CTNNA3: variants seen among roughly 807,000 people sequenced by gnomAD.
CTNNA3 encodes catenin alpha-3.
A neutral mutation model predicts 95.7 loss-of-function variants in CTNNA3; 76 were observed. The observed-to-expected ratio is 0.79, with a 90% CI of 0.66 to 0.96. CTNNA3 has a LOEUF of 0.96. CTNNA3 is among the 40% of genes least tolerant of loss of function. The probability of loss-of-function intolerance (pLI) is 0.00; values close to 1 mark genes in which losing one functional copy is unlikely to be tolerated. For synonymous variants in CTNNA3, 431 were observed against 374.4 expected, an observed-to-expected ratio of 1.15 and a Z score of -1.74; for missense variants, 1,191 against 1,089.8, an observed-to-expected ratio of 1.09 and a Z score of -1.31.
chr10:66,412,512 G>A (rs888273980), intron 11 of CTNNA3, among the ~76,000 whole-genome samples: 1 of 147,856 alleles, frequency 6.8e-6, no homozygotes, highest in Admixed American at 6.8e-5. Flanking sequence ...CCAGGCTGGA[G>A]TGCAGTGGCA....
chr10:66,514,044 G>A (rs1256336515), intron 11 of CTNNA3, among the ~76,000 whole-genome samples: 1 of 152,172 alleles, frequency 6.6e-6, no homozygotes, highest in Non-Finnish European at 1.5e-5. Context: ...ACTTGTTAGT[G>A]CATTTTTGAT....
chr10:66,899,646 C>G (rs1284826202), intron 7 of CTNNA3, among the ~76,000 whole-genome samples: 3 of 152,136 alleles, frequency 2.0e-5, no homozygotes, highest in Non-Finnish European at 4.4e-5. Context: ...ACACTTCCCC[C>G]CAAATACTGT....
At chr10:66,218,162 C>T (rs985948701) in intron 13 of CTNNA3, among the ~76,000 whole-genome samples, 1 of 152,018 alleles carries the variant, frequency 6.6e-6, no homozygotes, top group Non-Finnish European at 1.5e-5. Context: ...GCAATGTGTC[C>T]GCATGCCTAA....
intron 15 of CTNNA3, among the ~76,000 whole-genome samples, chr10:66,050,865 T>C (rs1169945804): frequency 6.6e-6 from 1 of 152,122 alleles, no homozygotes; most frequent in East Asian, 1.9e-4. Context: ...TTACTTTTTT[T>C]TTTTAAGAGA....
intron 13 of CTNNA3, among the ~76,000 whole-genome samples, chr10:66,162,419 C>T (rs1204185568): frequency 1.3e-5 from 2 of 152,050 alleles, no homozygotes; most frequent in East Asian, 1.9e-4. Context: ...AGTTATTCTC[C>T]CCCTTTTCCT....
chr10:65,950,475 T>C (rs1257253861), intron 17 of CTNNA3, among the ~76,000 whole-genome samples: 1 of 152,200 alleles, frequency 6.6e-6, no homozygotes, highest in Non-Finnish European at 1.5e-5. Context: ...CATCAGGATG[T>C]CTGCATCCAG....
chr10:66,219,604 C>T (rs2088791158), intron 13 of CTNNA3, among the ~76,000 whole-genome samples: 1 of 146,534 alleles, frequency 6.8e-6, no homozygotes, highest in Admixed American at 6.9e-5. Flanking sequence ...GAGTCAGATC[C>T]CTAGTCCCAA....
At chr10:67,378,399 G>C (rs771831170) in intron 5 of CTNNA3, among the ~76,000 whole-genome samples, 18 of 152,062 alleles carry the variant, frequency 1.2e-4, no homozygotes, top group Non-Finnish European at 2.6e-4. Flanking sequence ...TCAAAACTAA[G>C]AAACGAATAT....
chr10:67,346,458 T>C (rs189820035), intron 5 of CTNNA3, among the ~76,000 whole-genome samples: 2 of 152,326 alleles, frequency 1.3e-5, no homozygotes, highest in Non-Finnish European at 2.9e-5. Flanking sequence ...CTGGGAATGT[T>C]TTTATTTCTC....
At chr10:66,840,322 C>CAT (rs1843006586) in intron 7 of CTNNA3, among the ~76,000 whole-genome samples, 1 of 89,470 alleles carries the variant, frequency 1.1e-5, no homozygotes, top group Non-Finnish European at 2.2e-5. Flanking sequence ...TCCAAGAAGC[C>CAT]ATCTCTCTCT....
intron 3 of CTNNA3, among the ~76,000 whole-genome samples, chr10:67,594,715 T>C (rs771846142): frequency 1.3e-5 from 2 of 152,188 alleles, no homozygotes; most frequent in African/African-American, 2.4e-5. Flanking sequence ...TTAGGTTTCA[T>C]TGATTTTTTA....
intron 12 of CTNNA3, among the ~76,000 whole-genome samples, chr10:66,287,672 A>G (rs910679658): frequency 6.6e-6 from 1 of 152,150 alleles, no homozygotes; most frequent in Non-Finnish European, 1.5e-5. Context: ...ATACCAAAGG[A>G]AAAAACATAA....
intron 12 of CTNNA3, among the ~76,000 whole-genome samples, chr10:66,327,921 T>A (rs2132307849): frequency 6.6e-6 from 1 of 152,192 alleles, no homozygotes; most frequent in Non-Finnish European, 1.5e-5. Flanking sequence ...TCAATCATTT[T>A]ATGAGAGAAA....
intron 7 of CTNNA3, among the ~76,000 whole-genome samples, chr10:66,960,744 G>A (rs1437704867): frequency 3.3e-5 from 5 of 152,226 alleles, no homozygotes; most frequent in Middle Eastern, 6.8e-3. Context: ...GAACAGAACA[G>A]AATGGCATAG....
intron 7 of CTNNA3, among the ~76,000 whole-genome samples, chr10:66,859,121 A>G (rs1843800574): frequency 6.6e-6 from 1 of 152,142 alleles, no homozygotes; most frequent in Admixed American, 6.6e-5. Context: ...AATGTATAAT[A>G]GGGAATGTTG....
chr10:67,486,931 T>C (rs1291826419), intron 5 of CTNNA3, among the ~76,000 whole-genome samples: 2 of 152,220 alleles, frequency 1.3e-5, no homozygotes, highest in Non-Finnish European at 2.9e-5. Context: ...TCTCCAATCT[T>C]ATTTTAGTTG....
chr10:66,704,769 C>T (rs1848064037), intron 9 of CTNNA3, among the ~76,000 whole-genome samples: 1 of 152,114 alleles, frequency 6.6e-6, no homozygotes, highest in Non-Finnish European at 1.5e-5. Flanking sequence ...TGGATTTTCA[C>T]ATTAGCAATG....
intron 2 of CTNNA3, among the ~76,000 whole-genome samples, chr10:67,614,052 G>A (rs11817144): frequency 0.01 from 1,587 of 152,276 alleles, 24 homozygotes; most frequent in African/African-American, 0.036. Context: ...CAGCAAGGAA[G>A]CGGACCCTAC....
intron 7 of CTNNA3, among the ~76,000 whole-genome samples, chr10:66,834,450 G>A (rs1217759037): frequency 6.6e-6 from 1 of 152,182 alleles, no homozygotes; most frequent in African/African-American, 2.4e-5. Flanking sequence ...ATAGTTATAT[G>A]AAATAAACAG....
Sources: gnomAD v4.1 joint callset for allele counts (sites outside exome capture counted in the v4.1 genomes callset) on GRCh38, gnomAD v4.1.1 for gene constraint, MANE v1.5 for transcripts, NCBI Gene and HGNC (gene_info 2026-07-23, HGNC 2026-07-21) for gene names.